SHISA9: variants seen among roughly 807,000 people sequenced by gnomAD.
SHISA9 encodes the protein protein shisa-9.
Under a neutral mutation model 38.0 loss-of-function variants are expected in SHISA9, and 13 were observed. The ratio of observed to expected loss-of-function variants is 0.34; its 90% CI spans 0.22 to 0.54. SHISA9 has a LOEUF of 0.54. Ranked by LOEUF, SHISA9 falls within the 20% of genes least tolerant of loss-of-function variation. SHISA9 has a pLI of 0.91. For synonymous variants in SHISA9, 275 were observed against 242.0 expected (o/e 1.14, Z -1.27); for missense variants, 538 against 575.8 (o/e 0.93, Z 0.67).
intron 2 of SHISA9, among the ~76,000 whole-genome samples, chr16:12,942,945 T>C (rs2071630774): frequency 6.6e-6 from 1 of 152,054 alleles, no homozygotes; most frequent in African/African-American, 2.4e-5. Context: ...TATCTCTAGA[T>C]TTTGTGTGCC....
rs2051418309 is a variant in SHISA9 at position 13,239,610 on chromosome 16, T to C, written c.*4201T>C. The C allele has an allele frequency of 6.6e-6, 1 of 152,256 alleles. No individual in the cohort carries two copies. The highest frequency in any genetic ancestry group is 2.1e-4 in the South Asian group (1 of 4,834). The allele number at this position is 152,256 out of a possible 1,614,324, so 9.4% of individuals were successfully genotyped here. ...CAGTGATGATGAGCATTTTTTCATG[T>C]GTCTTTTGACTGCATAAATGTCTTT... On this transcript the variant is annotated 3_prime_UTR_variant, in exon 5 of 5. Transcript: ENST00000558583.
At chr16:13,199,554 G>A (rs1236925784) in intron 2 of SHISA9, among the ~76,000 whole-genome samples, 1 of 152,084 alleles carries the variant, frequency 6.6e-6, no homozygotes, top group Non-Finnish European at 1.5e-5. Context: ...TTTAGAAAGG[G>A]GCTTCTCTCT....
chr16:12,980,377 T>A (rs1029450052), intron 2 of SHISA9, among the ~76,000 whole-genome samples: 3 of 152,206 alleles, frequency 2.0e-5, no homozygotes, highest in Non-Finnish European at 2.9e-5. Flanking sequence ...ATATGTTAAG[T>A]TCTATTTTTC....
chr16:13,545,818 C>A, the SHISA9 span, among the ~76,000 whole-genome samples: 1 of 152,154 alleles, frequency 6.6e-6, no homozygotes, highest in African/African-American at 2.4e-5. Context: ...TACTATCACA[C>A]GGTGTAAAGT....
the SHISA9 span, among the ~76,000 whole-genome samples, chr16:13,471,439 C>G: frequency 9.2e-5 from 14 of 152,324 alleles, no homozygotes; most frequent in South Asian, 2.9e-3. Flanking sequence ...CCGACTCTCT[C>G]CTTTTTCCTC....
chr16:13,168,377 G>T (rs143790639), intron 2 of SHISA9, among the ~76,000 whole-genome samples: 1 of 152,212 alleles, frequency 6.6e-6, no homozygotes, highest in African/African-American at 2.4e-5. Flanking sequence ...CCATCTCATA[G>T]CAATGCCATC....
At chr16:12,905,443 A>T (rs1291361244) in intron 1 of SHISA9, among the ~76,000 whole-genome samples, 1 of 152,084 alleles carries the variant, frequency 6.6e-6, no homozygotes, top group Admixed American at 6.5e-5. Flanking sequence ...TTCATTTAAC[A>T]ACCCCCACTC....
chr16:13,444,944 A>G, the SHISA9 span, among the ~76,000 whole-genome samples: 1 of 145,840 alleles, frequency 6.9e-6, no homozygotes, highest in African/African-American at 2.5e-5. Flanking sequence ...TCAGCCTCCC[A>G]GAGAGCTGGG....
intron 2 of SHISA9, among the ~76,000 whole-genome samples, chr16:12,983,885 A>G (rs1043712486): frequency 2.0e-5 from 3 of 152,036 alleles, no homozygotes; most frequent in Non-Finnish European, 2.9e-5. Context: ...GGCTACTTTG[A>G]GGGGTTTCTG....
chr16:13,414,327 A>G, the SHISA9 span, among the ~76,000 whole-genome samples: 1,346 of 152,302 alleles, frequency 8.8e-3, 21 homozygotes, highest in African/African-American at 0.031. Context: ...CACAAAAATT[A>G]CTACCTTGAC....
chr16:13,306,619 C>A, the SHISA9 span, among the ~76,000 whole-genome samples: 1 of 152,186 alleles, frequency 6.6e-6, no homozygotes, highest in East Asian at 1.9e-4. Context: ...GGAGGATCCA[C>A]TTCCAAGATG....
intron 2 of SHISA9, among the ~76,000 whole-genome samples, chr16:12,941,052 A>C (rs1199302456): frequency 6.6e-6 from 1 of 152,150 alleles, no homozygotes; most frequent in African/African-American, 2.4e-5. Context: ...ACCTTTAGAA[A>C]AATGTTTAAA....
At chr16:13,204,198 A>ATCTGTCTG (rs56691123) in intron 3 of SHISA9, among the ~76,000 whole-genome samples, 2 of 140,724 alleles carry the variant, frequency 1.4e-5, no homozygotes, top group African/African-American at 2.6e-5. Context: ...TCTACCTATT[A>ATCTGTCTG]TCTGTCTGTC....
the SHISA9 span, among the ~76,000 whole-genome samples, chr16:13,559,460 C>G: frequency 1.4e-4 from 21 of 152,012 alleles, no homozygotes; most frequent in African/African-American, 4.3e-4. Flanking sequence ...TCATTGCAGC[C>G]TCAAACTCCT....
At chr16:13,420,178 G>A in the SHISA9 span, among the ~76,000 whole-genome samples, 1 of 140,680 alleles carries the variant, frequency 7.1e-6, no homozygotes, top group African/African-American at 2.6e-5. Flanking sequence ...TCTGGAGCGG[G>A]GAGGTTGCCC....
At position 12,902,121 on chromosome 16, in the gene SHISA9, C is replaced by A; in HGVS notation, c.57C>A (p.Arg19=). The A allele has an allele frequency of 2.0e-6, 3 of 1,501,184 alleles. No homozygotes were observed. The highest frequency in any genetic ancestry group is 2.6e-6 in the Non-Finnish European group (3 of 1,133,872). The allele number at this position is 1,501,184 out of a possible 1,614,324, so 93.0% of individuals were successfully genotyped here. A position where few individuals can be genotyped will look rare whatever the true frequency, so the allele number is the denominator to read the frequency against. ...LGCFLTELCA[R]VCRAQERAGH... is the part of the protein sequence containing the mutation. ...GCTTCCTCACCGAGCTGTGCGCCCG[C>A]GTGTGCCGGGCGCAGGAGCGAGCGG... Residue 19 remains arginine, a synonymous_variant, in exon 1 of 5, where the codon CGC becomes CGA. Transcript: ENST00000558583.
intron 2 of SHISA9, among the ~76,000 whole-genome samples, chr16:13,134,856 G>A (rs76309893): frequency 0.025 from 3,852 of 152,206 alleles, 69 homozygotes; most frequent in African/African-American, 0.047. Context: ...CCTTTACTCA[G>A]GAATCTATGC....
the SHISA9 span, among the ~76,000 whole-genome samples, chr16:13,529,285 T>C: frequency 6.6e-6 from 1 of 152,254 alleles, no homozygotes; most frequent in East Asian, 1.9e-4. Context: ...TTGTACTGTG[T>C]CTTGATCTTG....
intron 2 of SHISA9, among the ~76,000 whole-genome samples, chr16:13,025,248 T>A (rs542486032): frequency 3.3e-4 from 51 of 152,332 alleles, no homozygotes; most frequent in African/African-American, 1.2e-3. Context: ...CCAGTAATTT[T>A]CAACATTTGT....
Sources: gnomAD v4.1 joint callset for allele counts (sites outside exome capture counted in the v4.1 genomes callset) on GRCh38, gnomAD v4.1.1 for gene constraint, MANE v1.5 for transcripts, NCBI Gene and HGNC (gene_info 2026-07-23, HGNC 2026-07-21) for gene names.